The following HEMK2 variants were observed in gnomAD, a reference collection of about 807,000 sequenced individuals.
HEMK2 encodes HemK methyltransferase 2, ETF1 glutamine and histone H4 lysine.
the HEMK2 span, among the ~76,000 whole-genome samples, chr21:28,866,175 A>AACAC: frequency 6.2e-3 from 472 of 76,200 alleles, 63 homozygotes; most frequent in African/African-American, 0.023. Context: ...CAAAAAAAAA[A>AACAC]ACACACACAC....
the HEMK2 span, among the ~76,000 whole-genome samples, chr21:28,686,738 T>C: frequency 6.6e-6 from 1 of 152,214 alleles, no homozygotes; most frequent in Non-Finnish European, 1.5e-5. Context: ...ATTCTGTGCT[T>C]ACACAGCACC....
chr21:28,734,391 C>T, the HEMK2 span, among the ~76,000 whole-genome samples: 3 of 152,226 alleles, frequency 2.0e-5, no homozygotes, highest in South Asian at 6.2e-4. Flanking sequence ...CAACTATAAT[C>T]AGAAATTTGG....
chr21:28,721,786 C>T, the HEMK2 span, among the ~76,000 whole-genome samples: 1 of 151,962 alleles, frequency 6.6e-6, no homozygotes, highest in Non-Finnish European at 1.5e-5. Flanking sequence ...GGGATAGATG[C>T]TATTCATTTT....
chr21:28,639,345 A>G, the HEMK2 span, among the ~76,000 whole-genome samples: 1 of 152,244 alleles, frequency 6.6e-6, no homozygotes, highest in Non-Finnish European at 1.5e-5. Context: ...TGCATCAAGA[A>G]AAGTAGAGAA....
chr21:28,598,604 C>A, the HEMK2 span, among the ~76,000 whole-genome samples: 2 of 152,140 alleles, frequency 1.3e-5, no homozygotes, highest in African/African-American at 4.8e-5. Flanking sequence ...TAATGTGTAT[C>A]CTTTTACTGT....
the HEMK2 span, among the ~76,000 whole-genome samples, chr21:28,657,061 T>G: frequency 1.3e-5 from 2 of 152,138 alleles, no homozygotes; most frequent in African/African-American, 4.8e-5. Flanking sequence ...TGATCATTTT[T>G]TGTCATGCAG....
At chr21:28,654,714 G>T in the HEMK2 span, among the ~76,000 whole-genome samples, 2 of 152,026 alleles carry the variant, frequency 1.3e-5, no homozygotes, top group African/African-American at 4.8e-5. Context: ...AATCTGCTTG[G>T]AATTCATAGT....
the HEMK2 span, among the ~76,000 whole-genome samples, chr21:28,700,408 G>GA: frequency 6.9e-3 from 1,053 of 151,974 alleles, 10 homozygotes; most frequent in African/African-American, 0.024. Flanking sequence ...GACTAATAAA[G>GA]AAAAAAAGAG....
At chr21:28,742,036 AAACT>A in the HEMK2 span, among the ~76,000 whole-genome samples, 1 of 152,300 alleles carries the variant, frequency 6.6e-6, no homozygotes, top group Non-Finnish European at 1.5e-5. Context: ...AGGTGACGGC[AAACT>A]ATCGCTCAGG....
the HEMK2 span, among the ~76,000 whole-genome samples, chr21:28,624,687 T>C: frequency 6.6e-6 from 1 of 152,128 alleles, no homozygotes; most frequent in African/African-American, 2.4e-5. Flanking sequence ...GAGAAGAATA[T>C]CAAGTTCCTG....
chr21:28,604,594 T>C, the HEMK2 span, among the ~76,000 whole-genome samples: 2 of 151,404 alleles, frequency 1.3e-5, no homozygotes, highest in Non-Finnish European at 2.9e-5. Flanking sequence ...GACCAGTAAA[T>C]GACCTGCTGT....
At chr21:28,877,429 A>T in the HEMK2 span, among the ~76,000 whole-genome samples, 4 of 150,992 alleles carry the variant, frequency 2.6e-5, no homozygotes, top group African/African-American at 4.9e-5. Context: ...AAAGAAAGAG[A>T]GAGAGAAGGA....
At chr21:28,715,655 C>T in the HEMK2 span, among the ~76,000 whole-genome samples, 1 of 152,044 alleles carries the variant, frequency 6.6e-6, no homozygotes, top group Non-Finnish European at 1.5e-5. Context: ...TTATGTCTCA[C>T]TTGTCAATTT....
the HEMK2 span, chr21:28,876,437 G>A: frequency 6.2e-7 from 1 of 1,612,262 alleles, no homozygotes; most frequent in Non-Finnish European, 8.5e-7. Context: ...TGCTTGTCTG[G>A]AAAGTGCAGT....
the HEMK2 span, among the ~76,000 whole-genome samples, chr21:28,629,440 C>T: frequency 6.6e-6 from 1 of 152,178 alleles, no homozygotes; most frequent in East Asian, 1.9e-4. Flanking sequence ...TACATCATGG[C>T]ATTTTTCATC....
the HEMK2 span, among the ~76,000 whole-genome samples, chr21:28,668,765 T>C: frequency 6.6e-6 from 1 of 152,332 alleles, no homozygotes; most frequent in East Asian, 1.9e-4. Flanking sequence ...ATTAGTGATA[T>C]AGGTCTCAAA....
the HEMK2 span, among the ~76,000 whole-genome samples, chr21:28,752,253 A>T: frequency 6.6e-6 from 1 of 152,234 alleles, no homozygotes; most frequent in Non-Finnish European, 1.5e-5. Flanking sequence ...AATAACTGGA[A>T]GGAGCATCAT....
chr21:28,612,714 T>A, the HEMK2 span, among the ~76,000 whole-genome samples: 1 of 152,140 alleles, frequency 6.6e-6, no homozygotes, highest in Non-Finnish European at 1.5e-5. Context: ...CCAGAACTAA[T>A]AAAAGAATTC....
chr21:28,601,607 T>C, the HEMK2 span, among the ~76,000 whole-genome samples: 10 of 74,968 alleles, frequency 1.3e-4, no homozygotes, highest in East Asian at 1.4e-3. Context: ...TTCTGACATC[T>C]CTCTCTCTCT....
Sources: allele counts gnomAD v4.1 joint callset (sites outside exome capture counted in the v4.1 genomes callset), GRCh38; gene constraint gnomAD v4.1.1; transcripts MANE v1.5; gene names NCBI Gene and HGNC (gene_info 2026-07-23, HGNC 2026-07-21).